Variants in FBXL17 observed in about 807,000 individuals in gnomAD.
FBXL17 encodes F-box/LRR-repeat protein 17.
FBXL17 carries 22 observed loss-of-function variants against 66.2 expected under a neutral mutation model. That is an observed-to-expected ratio of 0.33 (90% CI 0.24 to 0.47). The LOEUF (loss-of-function observed/expected upper bound fraction) is 0.47, where lower values mean the gene tolerates loss of function less well. Ranked by LOEUF, FBXL17 falls within the 20% of genes least tolerant of loss-of-function variation. The pLI is 1.00. For missense variants in FBXL17, 878 were observed against 948.2 expected (o/e 0.93, Z 0.97); for synonymous variants, 474 against 400.5 (o/e 1.18, Z -2.19).
chr5:108,178,307 C>A (rs1752874718), intron 6 of FBXL17, among the ~76,000 whole-genome samples: 1 of 152,060 alleles, frequency 6.6e-6, no homozygotes, highest in African/African-American at 2.4e-5. Flanking sequence ...CTTGGCCTCC[C>A]AAAGTGCTGA....
At chr5:107,880,845 T>C (rs1580676720) in intron 8 of FBXL17, 192 bp downstream of exon 8, 1 of 1,375,038 alleles carries the variant, frequency 7.3e-7, no homozygotes, top group East Asian at 2.6e-5. Context: ...AGTGGGGAAA[T>C]ACAAAGATAA....
At chr5:108,011,142 G>A (rs1754156333) in intron 7 of FBXL17, among the ~76,000 whole-genome samples, 1 of 152,192 alleles carries the variant, frequency 6.6e-6, no homozygotes, top group Non-Finnish European at 1.5e-5. Context: ...GGAAAGTTGG[G>A]ACATGTTTGT....
chr5:107,882,977 G>C (rs1472798062), intron 7 of FBXL17, among the ~76,000 whole-genome samples: 2 of 152,172 alleles, frequency 1.3e-5, no homozygotes, highest in African/African-American at 4.8e-5. Context: ...AATAGCTATT[G>C]ATTCTGGGTG....
chr5:108,259,386 G>A (rs1756716099), intron 4 of FBXL17, among the ~76,000 whole-genome samples: 1 of 152,112 alleles, frequency 6.6e-6, no homozygotes, highest in Non-Finnish European at 1.5e-5. Context: ...GCATTCAGAG[G>A]ATTCCAATGT....
intron 4 of FBXL17, among the ~76,000 whole-genome samples, chr5:108,302,314 G>A (rs537897527): frequency 6.6e-6 from 1 of 151,878 alleles, no homozygotes; most frequent in African/African-American, 2.4e-5. Flanking sequence ...AAAAAAGGGT[G>A]GGAGGGTTCA....
chr5:108,155,041 C>G (rs1196017396), intron 6 of FBXL17, among the ~76,000 whole-genome samples: 1 of 152,102 alleles, frequency 6.6e-6, no homozygotes, highest in African/African-American at 2.4e-5. Flanking sequence ...AACTAATATT[C>G]ATGATAAGCT....
At chr5:107,898,185 T>G (rs1253950222) in intron 7 of FBXL17, among the ~76,000 whole-genome samples, 1 of 152,140 alleles carries the variant, frequency 6.6e-6, no homozygotes, top group Non-Finnish European at 1.5e-5. Context: ...ACTTGGACCC[T>G]TCTATGAAGT....
chr5:108,308,233 A>G (rs1758946499), intron 4 of FBXL17, among the ~76,000 whole-genome samples: 1 of 152,140 alleles, frequency 6.6e-6, no homozygotes, highest in Non-Finnish European at 1.5e-5. Context: ...TGGTAGTAGT[A>G]AAAATAATAG....
intron 7 of FBXL17, among the ~76,000 whole-genome samples, chr5:107,883,027 C>G (rs4957726): frequency 0.82 from 124,576 of 152,186 alleles, 51,110 homozygotes; most frequent in South Asian, 0.89. Context: ...TTTTGACTTA[C>G]TACTATTTAC....
At chr5:108,020,847 G>A (rs891226615) in intron 7 of FBXL17, 78 bp downstream of exon 7, 1 of 1,018,660 alleles carries the variant, frequency 9.8e-7, no homozygotes, top group Non-Finnish European at 1.5e-6. Context: ...TATAGTTCTT[G>A]ATTTCTTTTT....
At chr5:108,074,113 T>C (rs182015012) in intron 6 of FBXL17, among the ~76,000 whole-genome samples, 8 of 152,316 alleles carry the variant, frequency 5.3e-5, no homozygotes, top group Non-Finnish European at 7.4e-5. Context: ...TGTATAAAAC[T>C]GTACCCCACT....
intron 5 of FBXL17, among the ~76,000 whole-genome samples, chr5:108,201,301 C>T (rs933163989): frequency 1.1e-4 from 16 of 151,940 alleles, no homozygotes; most frequent in Admixed American, 2.0e-4. Flanking sequence ...TAACAACTGG[C>T]GCAGTGTGAA....
At chr5:108,160,403 G>GT (rs71624889) in intron 6 of FBXL17, among the ~76,000 whole-genome samples, 45 of 152,076 alleles carry the variant, frequency 3.0e-4, no homozygotes, top group Admixed American at 9.8e-4. Context: ...CTCTATAATT[G>GT]TAACTACAGT....
intron 7 of FBXL17, among the ~76,000 whole-genome samples, chr5:107,887,781 C>T (rs1749023740): frequency 1.3e-5 from 2 of 152,136 alleles, no homozygotes; most frequent in African/African-American, 4.8e-5. Context: ...AGTACAGACG[C>T]CTGAGTCCCA....
At chr5:108,281,163 AAATGGACCT>A (rs1285620425) in intron 4 of FBXL17, among the ~76,000 whole-genome samples, 1 of 151,990 alleles carries the variant, frequency 6.6e-6, no homozygotes, top group Admixed American at 6.6e-5. Flanking sequence ...ACTTTAGACC[AAATGGACCT>A]AACAGAATTT....
chr5:107,864,900 T>G (rs2112479958), intron 8 of FBXL17, among the ~76,000 whole-genome samples: 1 of 152,326 alleles, frequency 6.6e-6, no homozygotes, highest in East Asian at 1.9e-4. Flanking sequence ...CCAGGAAATT[T>G]TTCCTTTTTT....
chr5:108,373,462 A>G (rs1749203818), intron 1 of FBXL17, among the ~76,000 whole-genome samples: 1 of 149,670 alleles, frequency 6.7e-6, no homozygotes, highest in Non-Finnish European at 1.5e-5. Context: ...GGGGATCAAA[A>G]TGGTACACTA....
intron 5 of FBXL17, among the ~76,000 whole-genome samples, chr5:108,196,645 G>A (rs1409441652): frequency 6.6e-6 from 1 of 152,098 alleles, no homozygotes; most frequent in Non-Finnish European, 1.5e-5. Flanking sequence ...CAAAACTTTA[G>A]ATATGACTTT....
chr5:108,291,622 T>C (rs1290219536), intron 4 of FBXL17, among the ~76,000 whole-genome samples: 2 of 152,228 alleles, frequency 1.3e-5, no homozygotes, highest in Non-Finnish European at 2.9e-5. Flanking sequence ...ACCAGTATGC[T>C]AACTTCCAAA....
Sources: allele counts gnomAD v4.1 joint callset (sites outside exome capture counted in the v4.1 genomes callset), GRCh38; gene constraint gnomAD v4.1.1; transcripts MANE v1.5; gene names NCBI Gene and HGNC (gene_info 2026-07-23, HGNC 2026-07-21).